MROH1: variants seen among roughly 807,000 people sequenced by gnomAD.
MROH1 encodes the protein maestro heat-like repeat-containing protein family member 1.
MROH1 carries 117 observed loss-of-function variants against 116.5 expected under a neutral mutation model. The ratio of observed to expected loss-of-function variants is 1.00; its 90% CI spans 0.86 to 1.17. The LOEUF (loss-of-function observed/expected upper bound fraction) is 1.17. MROH1 is among the 50% of genes most tolerant of loss of function. The pLI is 0.00. For missense variants in MROH1, 1,873 were observed against 1,338.5 expected, an observed-to-expected ratio of 1.40 and a Z score of -6.23; for synonymous variants, 921 against 583.9, an observed-to-expected ratio of 1.58 and a Z score of -8.32.
intron 4 of MROH1, among the ~76,000 whole-genome samples, chr8:144,168,763 T>C (rs1332648516): frequency 6.6e-6 from 1 of 152,218 alleles, no homozygotes; most frequent in Non-Finnish European, 1.5e-5. Flanking sequence ...CCATGGTCCC[T>C]GCCTGAGGGA....
At chr8:144,152,418 C>G (rs1817029950) in intron 1 of MROH1, among the ~76,000 whole-genome samples, 1 of 150,326 alleles carries the variant, frequency 6.7e-6, no homozygotes, top group African/African-American at 2.4e-5. Context: ...GAGACGGAGT[C>G]TTGCTCTGTC....
At chr8:144,222,425 A>G (rs11988826) in intron 13 of MROH1, among the ~76,000 whole-genome samples, 10,749 of 152,268 alleles carry the variant, frequency 0.071, 1,310 homozygotes, top group African/African-American at 0.24. Context: ...ACAAGCTGGC[A>G]GGAAGGCTGC....
intron 1 of MROH1, among the ~76,000 whole-genome samples, chr8:144,155,214 G>A (rs893551939): frequency 6.6e-6 from 1 of 152,112 alleles, no homozygotes; most frequent in Admixed American, 6.6e-5. Flanking sequence ...GCCTCCCAAA[G>A]TGCTGGGATT....
intron 14 of MROH1, among the ~76,000 whole-genome samples, chr8:144,230,663 T>C (rs1032518210): frequency 2.0e-5 from 3 of 152,058 alleles, no homozygotes; most frequent in Non-Finnish European, 4.4e-5. Flanking sequence ...GTAAAGTTAG[T>C]TAGAAGGTGT....
chr8:144,183,084 C>T (rs1826074935), intron 7 of MROH1, among the ~76,000 whole-genome samples: 1 of 151,176 alleles, frequency 6.6e-6, no homozygotes, highest in Admixed American at 6.6e-5. Context: ...TCAAAACAAA[C>T]AAATCAAAAC....
chr8:144,255,136 C>T (rs1222746790), intron 34 of MROH1, among the ~76,000 whole-genome samples, 158 bp downstream of exon 34: 1 of 152,250 alleles, frequency 6.6e-6, no homozygotes, highest in Non-Finnish European at 1.5e-5. Context: ...TCGTAAAGGC[C>T]TCACAGGTGT....
chr8:144,171,626 C>T lies in MROH1; in HGVS notation c.168+3186C>T, dbSNP rs897946692. Reference sequence around the variant, plus strand: ...CAACTCCTGAGATCCTCTAAGGAAGCTGCTGTCACCAGCCTTAGGTGTTTT... The same window carrying T: ...CAACTCCTGAGATCCTCTAAGGAAGTTGCTGTCACCAGCCTTAGGTGTTTT... On this transcript the variant is annotated intron_variant, in intron 4 of 43. Coordinates refer to ENST00000326134, the MANE Select transcript of MROH1 (RefSeq NM_032450.3). Among the ~76,000 whole-genome samples, 6 of 152,262 alleles carry T rather than the reference C, an allele frequency of 3.9e-5. No individual in the cohort carries two copies. The East Asian group carries it at 1.2e-3, about 29-fold the overall frequency.
At chr8:144,248,760 C>G (rs1842341870) in intron 31 of MROH1, 117 bp from the exon 32 acceptor site, 3 of 705,136 alleles carry the variant, frequency 4.3e-6, no homozygotes, top group South Asian at 3.0e-5. Flanking sequence ...TGGGGCCCGG[C>G]TGCAAGAAGG....
intron 1 of MROH1, among the ~76,000 whole-genome samples, chr8:144,155,912 C>G (rs1817929051): frequency 6.6e-6 from 1 of 151,594 alleles, no homozygotes; most frequent in Non-Finnish European, 1.5e-5. Context: ...GGATTACAGG[C>G]CTGAGCCACT....
rs752695630 is a variant in MROH1 at position 144,168,383 on chromosome 8, G to A, written c.111G>A (p.Glu37=). 6.2e-7 allele frequency: 1 copy of A among 1,611,770 alleles called. No homozygotes were observed. Among genetic ancestry groups the A allele is most frequent in the African/African-American group, 1.3e-5 (1 of 74,932 alleles). Residue 37 remains glutamate, a synonymous_variant, in exon 4 of 44, where the codon GAG becomes GAA. Coordinates refer to ENST00000326134, the MANE Select transcript of MROH1 (RefSeq NM_032450.3). ...GCAGTGCCCTGTGCTCCCTCGGGGA[G>A]GCGCGGCCGGTGGAGACGCTCCGTG... ...QVCSALCSLG[E]ARPVETLRAC...
At chr8:144,174,783 C>T (rs565967426) in intron 4 of MROH1, 3 of 972,002 alleles carry the variant, frequency 3.1e-6, no homozygotes, top group Admixed American at 6.2e-5. Context: ...GTGGCTGGCC[C>T]TATCCATTTT....
At chr8:144,253,254 G>T (rs1317479252) in intron 33 of MROH1, among the ~76,000 whole-genome samples, 1 of 152,194 alleles carries the variant, frequency 6.6e-6, no homozygotes, top group Non-Finnish European at 1.5e-5. Context: ...AAGACAAAAA[G>T]AATATTTCAT....
At chr8:144,225,164 G>C (rs930669812) in intron 14 of MROH1, among the ~76,000 whole-genome samples, 1 of 151,932 alleles carries the variant, frequency 6.6e-6, no homozygotes, top group Non-Finnish European at 1.5e-5. Flanking sequence ...TCAGCCTCCC[G>C]AGTAGGTGGG....
intron 35 of MROH1, among the ~76,000 whole-genome samples, chr8:144,258,538 C>T (rs1456320304): frequency 6.6e-6 from 1 of 152,196 alleles, no homozygotes; most frequent in Non-Finnish European, 1.5e-5. Flanking sequence ...GGCCAGGTGG[C>T]CACAGGCTGA....
At chr8:144,200,255 C>T (rs1046008560) in intron 11 of MROH1, among the ~76,000 whole-genome samples, 173 bp from the exon 12 acceptor site, 1 of 152,174 alleles carries the variant, frequency 6.6e-6, no homozygotes, top group Non-Finnish European at 1.5e-5. Context: ...GTGCTCCAAC[C>T]CTGCCTTAGA....
intron 7 of MROH1, among the ~76,000 whole-genome samples, chr8:144,189,298 A>G (rs188036411): frequency 3.5e-4 from 53 of 152,170 alleles, no homozygotes; most frequent in African/African-American, 1.2e-3. Flanking sequence ...CCTGAAGCTC[A>G]TGGTCCCTTT....
chr8:144,261,082 G>A, intron 41 of MROH1, 32 bp from the exon 42 acceptor site: 10 of 775,072 alleles, frequency 1.3e-5, no homozygotes, highest in South Asian at 1.1e-4. Flanking sequence ...GGTGGGGCGG[G>A]GCCAGGCGGC....
chr8:144,171,386 G>A (rs1822402803), intron 4 of MROH1, among the ~76,000 whole-genome samples: 1 of 152,214 alleles, frequency 6.6e-6, no homozygotes, highest in Admixed American at 6.5e-5. Context: ...GCAGGAATGG[G>A]GAGGGGCGCG....
chr8:144,189,019 C>T (rs1003158846), intron 7 of MROH1, among the ~76,000 whole-genome samples: 2 of 152,214 alleles, frequency 1.3e-5, no homozygotes, highest in Non-Finnish European at 2.9e-5. Flanking sequence ...CCACTATCTG[C>T]AAAGCGGTGT....
Sources: gnomAD v4.1 joint callset for allele counts (sites outside exome capture counted in the v4.1 genomes callset) on GRCh38, gnomAD v4.1.1 for gene constraint, MANE v1.5 for transcripts, NCBI Gene and HGNC (gene_info 2026-07-23, HGNC 2026-07-21) for gene names.